Variants in CHAF1A observed in about 807,000 individuals in gnomAD.
CHAF1A encodes the protein CAF-1 subunit A.
CHAF1A carries 5 observed loss-of-function variants against 93.2 expected under a neutral mutation model. The ratio of observed to expected loss-of-function variants is 0.05; its 90% CI spans 0.03 to 0.11. CHAF1A has a LOEUF of 0.11. Among genes scored for constraint, CHAF1A ranks in the 10% least tolerant of loss-of-function variants. The probability of loss-of-function intolerance (pLI) is 1.00; values close to 1 mark genes in which losing one functional copy is unlikely to be tolerated. For missense variants in CHAF1A, 1,102 were observed against 1,259.9 expected, an observed-to-expected ratio of 0.87 and a Z score of 1.90; for synonymous variants, 504 against 510.3, an observed-to-expected ratio of 0.99 and a Z score of 0.17.
chr19:4,405,800 C>CA lies in CHAF1A; in HGVS notation c.53-111dup, dbSNP rs900394297. The CA allele has an allele frequency of 7.9e-6, 7 of 885,094 alleles. No homozygotes were observed. The African/African-American group carries it at 1.2e-4, about 15-fold the overall frequency. 54.8% of individuals were successfully genotyped at this position (885,094 alleles called of 1,614,324 possible). On this transcript the variant is annotated intron_variant, in intron 1 of 14. Coordinates refer to ENST00000301280, the MANE Select transcript of CHAF1A (RefSeq NM_005483.3). ...GACTGTGTCAAATGGCCCCCGAGGA[C>CA]AGAGGGGTCAGAATTGCCTCCACCT...
At chr19:4,427,840 G>A (rs898628905) in intron 7 of CHAF1A, among the ~76,000 whole-genome samples, 16 of 151,756 alleles carry the variant, frequency 1.1e-4, no homozygotes, top group Admixed American at 5.9e-4. Flanking sequence ...CACCCGCCTC[G>A]GCCTCCCAAA....
intron 4 of CHAF1A, among the ~76,000 whole-genome samples, chr19:4,419,438 CT>C (rs939487225): frequency 1.4e-4 from 20 of 146,624 alleles, no homozygotes; most frequent in African/African-American, 2.0e-4. Context: ...TATTTTATTA[CT>C]TTTTTTTTTA....
At chr19:4,443,834 G>A (rs796546231), downstream of CHAF1A, among the ~76,000 whole-genome samples, 7 of 152,258 alleles carry the variant, frequency 4.6e-5, no homozygotes, top group African/African-American at 1.7e-4. Flanking sequence ...GAGGACAGGC[G>A]ACAGCCGCTG....
In CHAF1A at chr19:4,433,105, G is replaced by A; in HGVS notation, c.2239G>A (p.Val747Met). The change falls in exon 13 of 15, where the codon GTG becomes ATG. Residue 747 changes from valine to methionine, a missense_variant. By Grantham distance (21) the Val-to-Met change is conservative. This residue lies in a region of CHAF1A where 335 missense variants were observed against 361.9 expected (regional missense o/e 0.93). Transcript: ENST00000301280. This position sits in a 1 kb window ranked among gnomAD's most constrained non-coding sequence, Gnocchi z 5.6. ...AQLLPLLHGN[V>M]NGSKVIIREF... ...GCTGCTGCCGCTCCTGCACGGCAAT[G>A]TGAACGGGAGCAAGGTCATCATCCG... 1 of 1,601,350 alleles carries A rather than the reference G, an allele frequency of 6.2e-7. No homozygotes were observed. Among genetic ancestry groups the A allele is most frequent in the Non-Finnish European group, 8.5e-7 (1 of 1,170,324 alleles).
At chr19:4,429,882 T>A in intron 10 of CHAF1A, 94 bp downstream of exon 10, 1 of 1,087,994 alleles carries the variant, frequency 9.2e-7, no homozygotes, top group African/African-American at 1.6e-5. Flanking sequence ...CCAGCTGTGT[T>A]CACTCACTGA....
Position 4,432,105 on chromosome 19 carries a change from C to G in CHAF1A, c.2101C>G (p.Leu701Val). The G allele has an allele frequency of 6.2e-7, 1 of 1,613,950 alleles. No homozygotes were observed. Among genetic ancestry groups the G allele is most frequent in the Middle Eastern group, 1.7e-4 (1 of 6,052 alleles). ...AADRDCAGDD[L>V]KVLQQFAACF... ...TGACAGAGACTGCGCAGGCGATGAC[C>G]TGAAGGTACTGCAGCAGTTCGCAGC... The change falls in exon 12 of 15, where the codon CTG becomes GTG. Residue 701 changes from leucine (L) to valine (V), a missense_variant. Leu to Val is a conservative substitution (Grantham distance 32). This residue lies in a region of CHAF1A where 335 missense variants were observed against 361.9 expected (regional missense o/e 0.93). Transcript: ENST00000301280.
intron 1 of CHAF1A, among the ~76,000 whole-genome samples, chr19:4,404,436 G>A (rs903917282): frequency 2.0e-5 from 3 of 152,166 alleles, no homozygotes; most frequent in African/African-American, 7.2e-5. Flanking sequence ...CGAAAATAAA[G>A]TTAAGTGACT....
chr19:4,417,457 C>CG (rs1973914276), intron 3 of CHAF1A, among the ~76,000 whole-genome samples: 6 of 103,100 alleles, frequency 5.8e-5, no homozygotes, highest in Admixed American at 3.4e-4. Context: ...CCAGCTGTCG[C>CG]TTTTTTTTTT....
downstream of CHAF1A, chr19:4,446,463 G>A (rs761189258): frequency 5.4e-5 from 85 of 1,585,486 alleles, 1 homozygote; most frequent in South Asian, 7.4e-4. Context: ...CTTCCACCCC[G>A]CCCCGCCCCA....
chr19:4,437,645 G>A (rs989613238), intron 13 of CHAF1A, among the ~76,000 whole-genome samples: 5 of 152,174 alleles, frequency 3.3e-5, no homozygotes, highest in Non-Finnish European at 7.3e-5. Context: ...CTGCACCCAA[G>A]GGGAGGGATA....
chr19:4,408,022 T>A (rs1472401286), intron 2 of CHAF1A, among the ~76,000 whole-genome samples: 1 of 150,766 alleles, frequency 6.6e-6, no homozygotes, highest in African/African-American at 2.4e-5. Context: ...ACCCCCTCTT[T>A]TTTTTTGAGA....
At position 4,442,952 on chromosome 19, in the gene CHAF1A, C is replaced by G; in HGVS notation, c.2798C>G (p.Ser933Cys). Residue 933 changes from serine (S) to cysteine (C), a missense_variant, in exon 15 of 15, where the codon TCC (serine) becomes TGC (cysteine). By Grantham distance (112) the Ser-to-Cys change is moderately radical (BLOSUM62 -1). Around this residue, in one of 6 missense-constraint regions of CHAF1A, gnomAD observed 119 missense variants for 102.2 expected, o/e 1.16. Coordinates refer to ENST00000301280, the MANE Select transcript of CHAF1A (RefSeq NM_005483.3). ...GTCCAAGCCCCGTGTGGAGCCGCTT[C>G]CGGAGCTGGGGGTGGTGTGGGGGTG... ...AEVQAPCGAA[S>C]GAGGGVGVDT... 6.2e-7 allele frequency: 1 copy of G among 1,603,056 alleles called. No individual in the cohort carries two copies. Among genetic ancestry groups the G allele is most frequent in the Non-Finnish European group, 8.5e-7 (1 of 1,175,560 alleles).
intron 3 of CHAF1A, among the ~76,000 whole-genome samples, chr19:4,413,413 A>G (rs369996165): frequency 6.6e-6 from 1 of 152,108 alleles, no homozygotes; most frequent in Non-Finnish European, 1.5e-5. Context: ...CGTGACGTCC[A>G]AGCCACCCCC....
chr19:4,431,335 G>T (rs1974179346), intron 11 of CHAF1A, among the ~76,000 whole-genome samples: 1 of 151,778 alleles, frequency 6.6e-6, no homozygotes, highest in African/African-American at 2.4e-5. Context: ...CATTATGTTG[G>T]CCAGGCTGGT....
chr19:4,403,406 T>G (rs947341066), intron 1 of CHAF1A, among the ~76,000 whole-genome samples: 1 of 152,188 alleles, frequency 6.6e-6, no homozygotes, highest in African/African-American at 2.4e-5. Flanking sequence ...TCCTGAAACG[T>G]GGGAGGGTGA....
At chr19:4,432,348 A>C (rs879307706) in intron 12 of CHAF1A, 141 bp downstream of exon 12, 9 of 983,166 alleles carry the variant, frequency 9.2e-6, no homozygotes, top group African/African-American at 3.3e-5. Flanking sequence ...TTTCCTGTAC[A>C]TGTCCGTACG....
At chr19:4,434,098 G>T (rs1292923207) in intron 13 of CHAF1A, among the ~76,000 whole-genome samples, 1 of 151,982 alleles carries the variant, frequency 6.6e-6, no homozygotes, top group African/African-American at 2.4e-5. Flanking sequence ...TGTAGTCTCA[G>T]CACTTTGGGA....
At chr19:4,432,774 C>T (rs918446127) in intron 12 of CHAF1A, among the ~76,000 whole-genome samples, 2 of 118,890 alleles carry the variant, frequency 1.7e-5, no homozygotes, top group African/African-American at 3.0e-5. Context: ...AAAAAAAAAA[C>T]TCAAAAAACT....
chr19:4,419,560 G>A (rs886239776), intron 4 of CHAF1A, among the ~76,000 whole-genome samples: 2 of 152,072 alleles, frequency 1.3e-5, no homozygotes, highest in African/African-American at 2.4e-5. Context: ...CTCTCGAGTA[G>A]CTGGGATTAT....
Sources: gnomAD v4.1 joint callset for allele counts (sites outside exome capture counted in the v4.1 genomes callset) on GRCh38, gnomAD v4.1.1 for gene constraint, gnomAD v4.1.1 regional missense constraint, Gnocchi (gnomAD v3.1) non-coding constraint, MANE v1.5 for transcripts, NCBI Gene and HGNC (gene_info 2026-07-23, HGNC 2026-07-21) for gene names.